Variants in RCC1L observed in about 807,000 individuals in gnomAD.
RCC1L encodes RCC1-like G exchanging factor-like protein.
In RCC1L, 46 loss-of-function variants were observed where a neutral mutation model predicts 58.6. The ratio of observed to expected loss-of-function variants is 0.79; its 90% CI spans 0.62 to 1.00. The LOEUF (loss-of-function observed/expected upper bound fraction) is 1.00, where lower values mean the gene tolerates loss of function less well. Ranked by LOEUF, RCC1L falls within the 50% of genes least tolerant of loss-of-function variation. RCC1L has a pLI of 0.00. For synonymous variants in RCC1L, 281 were observed against 262.9 expected (o/e 1.07, Z -0.67); for missense variants, 636 against 623.6 (o/e 1.02, Z -0.21).
At chr7:75,028,187 A>C in intron 10 of RCC1L, 14 of 1,005,554 alleles carry the variant, frequency 1.4e-5, no homozygotes, top group Non-Finnish European at 1.8e-5. Context: ...GCATGATCTC[A>C]GCTCACTGCA....
chr7:75,063,364 G>C, intron 4 of RCC1L, 21 bp from the exon 5 acceptor site: 2 of 1,613,658 alleles, frequency 1.2e-6, no homozygotes, highest in Non-Finnish European at 1.7e-6. Flanking sequence ...GAACAAATTG[G>C]GAAGAAGCAA....
chr7:75,031,023 C>T (rs34098897), intron 10 of RCC1L, among the ~76,000 whole-genome samples: 6,439 of 152,294 alleles, frequency 0.042, 179 homozygotes, highest in Middle Eastern at 0.1. Context: ...AAGGCCAGTG[C>T]GGTTTCCCTT....
rs970430238 is a variant in RCC1L at position 75,042,375 on chromosome 7, G to A, written c.*657C>T. ...CCTCGGCGCAGAGGAACTTGGCCTCGATTCTCTTCCTGAGGGGCTTCTTAA... is the reference window on the plus strand; with the variant it reads ...CCTCGGCGCAGAGGAACTTGGCCTCAATTCTCTTCCTGAGGGGCTTCTTAA... On this transcript the variant is annotated 3_prime_UTR_variant, in exon 11 of 11. Transcript: ENST00000610322. 29 of 985,616 alleles carry A rather than the reference G, an allele frequency of 2.9e-5. No homozygotes were observed. Among genetic ancestry groups the A allele is most frequent in the African/African-American group, 3.5e-5 (2 of 57,240 alleles). The allele number at this position is 985,616 out of a possible 1,614,324, so 61.1% of individuals were successfully genotyped here. A position where few individuals can be genotyped will look rare whatever the true frequency, so the allele number is the denominator to read the frequency against.
intron 8 of RCC1L, chr7:75,056,814 T>C: frequency 1.6e-6 from 2 of 1,269,734 alleles, no homozygotes; most frequent in Non-Finnish European, 2.2e-6. Context: ...CATCTTCCCA[T>C]GGCCATAGTC....
At position 75,061,244 on chromosome 7, in the gene RCC1L, T is replaced by G. The variant is rs887960507; in HGVS notation, c.750A>C (p.Glu250Asp). The G allele has an allele frequency of 4.3e-6, 7 of 1,613,612 alleles. No individual in the cohort carries two copies. Among genetic ancestry groups the G allele is most frequent in the African/African-American group, 1.3e-5 (1 of 74,852 alleles). Reference sequence around the variant, plus strand: ...CAGCACCCCATCCACAAGAATAGACTTCTCCTTTATCCGTCAGGAACAGAC... The same window carrying G: ...CAGCACCCCATCCACAAGAATAGACGTCTCCTTTATCCGTCAGGAACAGAC... ...DHSLFLTDKG[E>D]VYSCGWGADG... is the part of the protein sequence containing the mutation. Residue 250 changes from glutamate to aspartate, a missense_variant, in exon 6 of 11, where the codon GAA becomes GAC. Transcript: ENST00000610322.
chr7:75,042,367 T>G lies in RCC1L; in HGVS notation c.*665A>C. On this transcript the variant is annotated 3_prime_UTR_variant, in exon 11 of 11. Coordinates refer to ENST00000610322, the MANE Select transcript of RCC1L (RefSeq NM_030798.5). The stretch of plus-strand genomic sequence containing the variant: ...CTCGGGGCCCTCGGCGCAGAGGAAC[T>G]TGGCCTCGATTCTCTTCCTGAGGGG... 1 of 985,798 alleles carries G rather than the reference T, an allele frequency of 1.0e-6. No homozygotes were observed. The highest frequency in any genetic ancestry group is 1.2e-6 in the Non-Finnish European group (1 of 830,180). The allele number at this position is 985,798 out of a possible 1,614,324, so 61.1% of individuals were successfully genotyped here.
chr7:75,042,667 A>C lies in RCC1L; in HGVS notation c.*365T>G, dbSNP rs1457155840. The C allele has an allele frequency of 6.2e-6, 7 of 1,126,072 alleles. No homozygotes were observed. The African/African-American group carries it at 8.1e-5, about 13-fold the overall frequency. The allele number at this position is 1,126,072 out of a possible 1,614,324, so 69.8% of individuals were successfully genotyped here. On this transcript the variant is annotated 3_prime_UTR_variant, in exon 11 of 11. Transcript: ENST00000610322. Reference sequence around the variant, plus strand: ...AAACCAAGAGACTGCCATGACAGACAGAGCAGAAACCTCCCGAGCACTGTG... The same window carrying C: ...AAACCAAGAGACTGCCATGACAGACCGAGCAGAAACCTCCCGAGCACTGTG...
At chr7:75,028,089 G>A (rs947062704) in intron 10 of RCC1L, 6 of 1,529,688 alleles carry the variant, frequency 3.9e-6, no homozygotes, top group South Asian at 3.6e-5. Flanking sequence ...CCTGGCGGGG[G>A]AGGAAGAGGG....
intron 2 of RCC1L, 140 bp downstream of exon 2, chr7:75,070,500 G>C (rs1004823895): frequency 3.9e-5 from 43 of 1,114,420 alleles, no homozygotes; most frequent in Non-Finnish European, 4.2e-5. Context: ...GAACCCGGGA[G>C]GTGGAGGTTG....
intron 9 of RCC1L, among the ~76,000 whole-genome samples, chr7:75,053,497 AC>A (rs1434920453): frequency 2.0e-5 from 3 of 152,130 alleles, no homozygotes; most frequent in Non-Finnish European, 2.9e-5. Flanking sequence ...GCATCTAATG[AC>A]CAAGTGCCTG....
chr7:75,070,457 G>A (rs1178807192), intron 2 of RCC1L, among the ~76,000 whole-genome samples, 183 bp downstream of exon 2: 2 of 152,072 alleles, frequency 1.3e-5, no homozygotes, highest in African/African-American at 4.8e-5. Context: ...TGTAATCCCA[G>A]CTACTCGGGA....
rs1253054793 is a variant in RCC1L, at chr7:75,063,295, G to A, written c.699C>T (p.Val233=). 8 of 1,613,606 alleles carry A rather than the reference G, an allele frequency of 5.0e-6. No individual in the cohort carries two copies. The highest frequency in any genetic ancestry group is 6.8e-6 in the Non-Finnish European group (8 of 1,179,840). The change falls in exon 5 of 11, where the codon GTC becomes GTT. Residue 233 remains valine (V), a synonymous_variant. Coordinates refer to ENST00000610322, the MANE Select transcript of RCC1L (RefSeq NM_030798.5). ...GCTCTCGGCCCATCTCTCTTACCTG[G>A]ACCACCTGGCCATCGAAGTCCTGCA... is the stretch of plus-strand genomic sequence containing the variant. ...HRMQDFDGQV[V]QVACGQDHSL... is the part of the protein sequence containing the mutation.
Position 75,064,631 on chromosome 7 carries a change from TG to T in RCC1L, c.600del (p.Asn200LysfsTer46). On this transcript the variant is annotated frameshift_variant, in exon 4 of 11. Transcript: ENST00000610322. LOFTEE classifies it high-confidence loss of function. Reference sequence around the variant, plus strand: ...TTTCTTCCACATTGCCCATAAGAATTGTTTCCCATGCTGAAGACTAAAAATA... The same window carrying T: ...TTTCTTCCACATTGCCCATAAGAATTTTTCCCATGCTGAAGACTAAAAATA... ...TDREGVFSMGNNSYGQCGRKV... is the reference protein window; with the variant it reads ...TDREGVFSMGXNSYGQCGRKV... 1 of 1,613,864 alleles carries T rather than the reference TG, an allele frequency of 6.2e-7. No homozygotes were observed. Among genetic ancestry groups the T allele is most frequent in the Non-Finnish European group, 8.5e-7 (1 of 1,179,828 alleles).
At chr7:75,048,451 C>A (rs1221152636) in intron 10 of RCC1L, among the ~76,000 whole-genome samples, 3 of 152,188 alleles carry the variant, frequency 2.0e-5, no homozygotes, top group Admixed American at 2.0e-4. Flanking sequence ...TCAAATTATA[C>A]CCAATGAGCT....
intron 10 of RCC1L, among the ~76,000 whole-genome samples, chr7:75,047,843 C>T (rs911979557): frequency 4.7e-5 from 7 of 148,538 alleles, no homozygotes; most frequent in Non-Finnish European, 8.9e-5. Flanking sequence ...GACGGGGTTT[C>T]GCCATGTTGG....
At chr7:75,055,768 CTTGAG>C (rs1806056618) in intron 9 of RCC1L, 128 bp downstream of exon 9, 6 of 1,024,398 alleles carry the variant, frequency 5.9e-6, no homozygotes, top group South Asian at 2.7e-5. Flanking sequence ...TTAGCCCTTG[CTTGAG>C]TTATCAGTAC....
At chr7:75,035,452 A>T (rs1382840408) in intron 10 of RCC1L, among the ~76,000 whole-genome samples, 1 of 152,194 alleles carries the variant, frequency 6.6e-6, no homozygotes, top group Non-Finnish European at 1.5e-5. Flanking sequence ...GAATTTACAG[A>T]GTGTGTTGTA....
At chr7:75,029,415 T>C (rs1344305205) in intron 10 of RCC1L, among the ~76,000 whole-genome samples, 1 of 149,882 alleles carries the variant, frequency 6.7e-6, no homozygotes, top group Non-Finnish European at 1.5e-5. Flanking sequence ...GCGATCTCGG[T>C]TCGCTGCAAC....
chr7:75,040,167 A>G (rs1400457537), downstream of RCC1L, among the ~76,000 whole-genome samples: 15 of 152,234 alleles, frequency 9.9e-5, no homozygotes, highest in South Asian at 3.1e-3. Context: ...CAAAGTCAAG[A>G]TCATTACTGG....
Sources: allele counts gnomAD v4.1 joint callset (sites outside exome capture counted in the v4.1 genomes callset), GRCh38; gene constraint gnomAD v4.1.1; transcripts MANE v1.5; gene names NCBI Gene and HGNC (gene_info 2026-07-23, HGNC 2026-07-21).